GABRG2: variants seen among roughly 807,000 people sequenced by gnomAD.
GABRG2 encodes the protein gamma-aminobutyric acid type A receptor subunit gamma2, also known as gamma-aminobutyric acid receptor subunit gamma-2.
A neutral mutation model predicts 56.4 loss-of-function variants in GABRG2; 16 were observed. The ratio of observed to expected loss-of-function variants is 0.28; its 90% CI spans 0.19 to 0.43. The LOEUF (loss-of-function observed/expected upper bound fraction) is 0.43. Among genes scored for constraint, GABRG2 ranks in the 20% least tolerant of loss-of-function variants. The pLI is 1.00. For missense variants in GABRG2, 327 were observed against 582.7 expected (o/e 0.56, Z 4.52); for synonymous variants, 208 against 205.5 (o/e 1.01, Z -0.10).
chr5:162,079,147 A>G (rs1015431143), intron 1 of GABRG2, among the ~76,000 whole-genome samples: 1 of 152,150 alleles, frequency 6.6e-6, no homozygotes, highest in Non-Finnish European at 1.5e-5. Context: ...CTTGTGGTCA[A>G]CAGGCCATTT....
intron 9 of GABRG2, chr5:162,152,581 C>A: frequency 3.7e-6 from 1 of 270,298 alleles, no homozygotes; most frequent in Non-Finnish European, 7.5e-6. Flanking sequence ...GGTATACAAT[C>A]AGGAAAATTC....
At chr5:162,067,608 A>G (rs1758309202), upstream of GABRG2, 1 of 463,268 alleles carries the variant, frequency 2.2e-6, no homozygotes, top group Non-Finnish European at 3.8e-6. Flanking sequence ...AAACAAATAA[A>G]TAACCCCAAA....
chr5:162,101,640 C>T, intron 5 of GABRG2: 1 of 335,676 alleles, frequency 3.0e-6, no homozygotes, highest in Non-Finnish European at 5.6e-6. Context: ...AAGGTGCAAT[C>T]TTTAATTATA....
chr5:162,147,117 CT>C (rs1765006925), intron 7 of GABRG2, among the ~76,000 whole-genome samples: 2 of 152,148 alleles, frequency 1.3e-5, no homozygotes, highest in Admixed American at 6.5e-5. Flanking sequence ...AGCTTTACAT[CT>C]TTTCCTGTAT....
At chr5:162,139,902 A>T (rs976016230) in intron 6 of GABRG2, among the ~76,000 whole-genome samples, 1 of 152,196 alleles carries the variant, frequency 6.6e-6, no homozygotes, top group African/African-American at 2.4e-5. Flanking sequence ...ATAAGAGAGG[A>T]TGCATTTGCC....
In GABRG2 at chr5:162,153,119, A is replaced by T. The variant is rs770952397; in HGVS notation, c.1179A>T (p.Arg393Ser). The change falls in exon 10 of 10, where the codon AGA (arginine) becomes AGT (serine). Residue 393 changes from arginine (R) to serine (S), a missense_variant. This residue lies in a region of GABRG2 where 108 missense variants were observed against 144.2 expected (regional missense o/e 0.75). Transcript: ENST00000639213. The part of the protein sequence containing the change: ...FKAPTIDIRP[R>S]SATIQMNNAT... ...CCCCTACCATTGATATCCGCCCAAG[A>T]TCAGCAACCATTCAAATGAATAATG... 1 of 1,613,928 alleles carries T rather than the reference A, an allele frequency of 6.2e-7. No homozygotes were observed. Among genetic ancestry groups the T allele is most frequent in the African/African-American group, 1.3e-5 (1 of 74,914 alleles).
chr5:162,104,152 A>G lies in GABRG2; in HGVS notation c.769+126A>G, dbSNP rs1033482928. ...TCAGAAAATTAAATGAAGTGTTTTA[A>G]CTTTCTAGAGAAAATTATAATTGAA... On this transcript the variant is annotated intron_variant, in intron 6 of 9. Coordinates refer to ENST00000639213, the MANE Select transcript of GABRG2 (RefSeq NM_198904.4). 1.0e-5 allele frequency: 9 copies of G among 860,726 alleles called. No homozygotes were observed. In the African/African-American group the frequency reaches 1.3e-4, roughly 13 times the overall value. 53.3% of individuals were successfully genotyped at this position (860,726 alleles called of 1,614,324 possible). A position where few individuals can be genotyped will look rare whatever the true frequency, so the allele number is the denominator to read the frequency against.
At chr5:162,135,537 C>G (rs565734562) in intron 6 of GABRG2, among the ~76,000 whole-genome samples, 1 of 152,214 alleles carries the variant, frequency 6.6e-6, no homozygotes. Context: ...GAGCTACATC[C>G]CTTATGGAAC....
chr5:162,096,355 A>T (rs1470495698), intron 3 of GABRG2, among the ~76,000 whole-genome samples: 1 of 152,164 alleles, frequency 6.6e-6, no homozygotes, highest in Non-Finnish European at 1.5e-5. Flanking sequence ...TAGATAGTTT[A>T]TTTAAATGCA....
At chr5:162,139,435 C>CT (rs1280599164) in intron 6 of GABRG2, among the ~76,000 whole-genome samples, 1 of 152,192 alleles carries the variant, frequency 6.6e-6, no homozygotes, top group African/African-American at 2.4e-5. Context: ...AGCTGCTTTG[C>CT]TTTTAATGGC....
At chr5:162,139,193 C>G (rs1764365120) in intron 6 of GABRG2, among the ~76,000 whole-genome samples, 1 of 152,166 alleles carries the variant, frequency 6.6e-6, no homozygotes, top group Admixed American at 6.6e-5. Context: ...ACATAAAATA[C>G]TGTAACTTTA....
chr5:162,093,743 TTTC>T, intron 1 of GABRG2, 82 bp from the exon 2 acceptor site: 1 of 1,277,646 alleles, frequency 7.8e-7, no homozygotes, highest in East Asian at 2.3e-5. Flanking sequence ...TCCTGTTTTA[TTTC>T]TTCTTTTCCA....
At chr5:162,131,719 C>A (rs1763771114) in intron 6 of GABRG2, among the ~76,000 whole-genome samples, 1 of 151,992 alleles carries the variant, frequency 6.6e-6, no homozygotes, top group Non-Finnish European at 1.5e-5. Flanking sequence ...CACAAGATAG[C>A]ATCCATCTGA....
chr5:162,116,268 A>G (rs1762620446), intron 6 of GABRG2, among the ~76,000 whole-genome samples: 2 of 151,586 alleles, frequency 1.3e-5, no homozygotes, highest in South Asian at 4.2e-4. Flanking sequence ...TCCTTTATCT[A>G]TTTATCTTAA....
At chr5:162,103,605 G>A (rs1478003743) in intron 5 of GABRG2, 1 of 422,420 alleles carries the variant, frequency 2.4e-6, no homozygotes, top group Non-Finnish European at 4.4e-6. Flanking sequence ...ATGATGTAAA[G>A]TATGCATATG....
chr5:162,107,482 T>C (rs1428747437), intron 6 of GABRG2, among the ~76,000 whole-genome samples: 2 of 152,152 alleles, frequency 1.3e-5, no homozygotes, highest in Non-Finnish European at 2.9e-5. Context: ...AACAGAAGAA[T>C]AGAAGCATTT....
At chr5:162,125,037 T>C (rs943760052) in intron 6 of GABRG2, among the ~76,000 whole-genome samples, 3 of 151,346 alleles carry the variant, frequency 2.0e-5, no homozygotes, top group Non-Finnish European at 4.4e-5. Flanking sequence ...GAATGAAAGG[T>C]TTCTCAGCTT....
intron 6 of GABRG2, among the ~76,000 whole-genome samples, chr5:162,112,409 A>ATT (rs3839308): frequency 6.6e-6 from 1 of 151,240 alleles, no homozygotes; most frequent in East Asian, 1.9e-4. Flanking sequence ...TTTGAAAGAC[A>ATT]TTTTTTTTTT....
rs1758338015 is a variant in GABRG2 at position 162,067,896 on chromosome 5, TG to T, written c.-98del. On this transcript the variant is annotated 5_prime_UTR_variant, in exon 1 of 10. Coordinates refer to ENST00000639213, the MANE Select transcript of GABRG2 (RefSeq NM_198904.4). ...CAGTGAAGGACCTACTAGAGGCAGG[TG>T]GGGGGAGCCACCATCAGATCATAAG... is the stretch of plus-strand genomic sequence containing the variant. 2.5e-6 allele frequency: 2 copies of T among 790,248 alleles called. No homozygotes were observed. Among genetic ancestry groups the T allele is most frequent in the Non-Finnish European group, 4.4e-6 (2 of 458,742 alleles). The allele number at this position is 790,248 out of a possible 1,614,324, so 49.0% of individuals were successfully genotyped here.
Sources: allele counts gnomAD v4.1 joint callset (sites outside exome capture counted in the v4.1 genomes callset), GRCh38; gene constraint gnomAD v4.1.1; regional missense constraint gnomAD v4.1.1; transcripts MANE v1.5; gene names NCBI Gene and HGNC (gene_info 2026-07-23, HGNC 2026-07-21).